The following DDX31 variants were observed in gnomAD, a reference collection of about 807,000 sequenced individuals.
The protein encoded by DDX31 is DEAD-box helicase 31, also known as ATP-dependent DNA helicase DDX31.
Under a neutral mutation model 91.3 loss-of-function variants are expected in DDX31, and 70 were observed. The observed-to-expected ratio is 0.77, with a 90% CI of 0.63 to 0.94. The LOEUF (loss-of-function observed/expected upper bound fraction) is 0.94, where lower values mean the gene tolerates loss of function less well. DDX31 is among the 40% of genes least tolerant of loss of function. DDX31 has a pLI of 0.00. For missense variants in DDX31, 902 were observed against 925.0 expected, an observed-to-expected ratio of 0.98 and a Z score of 0.32; for synonymous variants, 362 against 350.6, an observed-to-expected ratio of 1.03 and a Z score of -0.36.
chr9:132,653,475 C>T (rs1834341924), intron 6 of DDX31, among the ~76,000 whole-genome samples: 2 of 40,058 alleles, frequency 5.0e-5, no homozygotes, highest in Admixed American at 3.7e-4. Flanking sequence ...GCCTGGGCAA[C>T]AAGTGAAAAA....
At chr9:132,602,199 A>C (rs1160134102) in intron 19 of DDX31, among the ~76,000 whole-genome samples, 2 of 152,242 alleles carry the variant, frequency 1.3e-5, no homozygotes, top group Admixed American at 6.5e-5. Context: ...AGCCAGGTCC[A>C]TGAATGGACA....
At chr9:132,624,571 A>G (rs1359325660) in intron 17 of DDX31, among the ~76,000 whole-genome samples, 4 of 152,268 alleles carry the variant, frequency 2.6e-5, no homozygotes, top group African/African-American at 7.2e-5. Flanking sequence ...CAAATCCCAG[A>G]ATGACTAAAG....
intron 17 of DDX31, among the ~76,000 whole-genome samples, chr9:132,620,415 C>T (rs1357408368): frequency 1.3e-5 from 2 of 148,494 alleles, no homozygotes; most frequent in Non-Finnish European, 3.0e-5. Flanking sequence ...TCTTTTCTTC[C>T]CAACCAAAAA....
chr9:132,669,974 T>C lies in DDX31; in HGVS notation c.-40A>G, dbSNP rs1191960183. 53 of 1,575,636 alleles carry C rather than the reference T, an allele frequency of 3.4e-5. No individual in the cohort carries two copies. The highest frequency in any genetic ancestry group is 4.5e-5 in the Non-Finnish European group (52 of 1,161,810). On this transcript the variant is annotated 5_prime_UTR_variant, in exon 1 of 20. Transcript: ENST00000372159. ...ACGCGTGGTGCAGCAGCGAGCCCGGTGCGCAGACTGCTGGGCCCGGGACCC... is the reference window on the plus strand; with the variant it reads ...ACGCGTGGTGCAGCAGCGAGCCCGGCGCGCAGACTGCTGGGCCCGGGACCC...
intron 15 of DDX31, among the ~76,000 whole-genome samples, chr9:132,631,044 G>A (rs1354533725): frequency 6.6e-6 from 1 of 152,244 alleles, no homozygotes; most frequent in Non-Finnish European, 1.5e-5. Flanking sequence ...TGCACGGAGA[G>A]CACTGCCAAC....
intron 19 of DDX31, among the ~76,000 whole-genome samples, chr9:132,596,821 G>A (rs1830458209): frequency 6.6e-6 from 1 of 152,326 alleles, no homozygotes. Flanking sequence ...CAGCAGGACA[G>A]TGGGGCAGGA....
intron 18 of DDX31, 115 bp downstream of exon 18, chr9:132,618,215 G>A (rs565966815): frequency 2.7e-6 from 2 of 747,564 alleles, no homozygotes. Context: ...GCTTTGGCTG[G>A]TGAGCAGGGA....
chr9:132,611,072 C>T (rs1331739433), intron 19 of DDX31, among the ~76,000 whole-genome samples: 1 of 152,162 alleles, frequency 6.6e-6, no homozygotes, highest in South Asian at 2.1e-4. Flanking sequence ...TGGTCCTTCC[C>T]GGTGAACAGG....
chr9:132,664,871 G>A (rs942727899), intron 1 of DDX31, among the ~76,000 whole-genome samples: 2 of 151,972 alleles, frequency 1.3e-5, no homozygotes, highest in African/African-American at 2.4e-5. Context: ...CTTTGCACAT[G>A]CTACTCCCAC....
intron 14 of DDX31, among the ~76,000 whole-genome samples, chr9:132,637,346 T>G (rs1336790675): frequency 2.6e-5 from 4 of 152,178 alleles, no homozygotes; most frequent in Non-Finnish European, 5.9e-5. Context: ...ATTGCTAAAG[T>G]CAGTTCTGAA....
rs199924933 is a variant in DDX31, at chr9:132,662,318, C to T, written c.351G>A (p.Val117=). The T allele has an allele frequency of 1.2e-6, 2 of 1,614,212 alleles. No individual in the cohort carries two copies. The highest frequency in any genetic ancestry group is 2.7e-5 in the African/African-American group (2 of 75,048). Residue 117 remains valine, a synonymous_variant, in exon 3 of 20, where the codon GTG becomes GTA. Coordinates refer to ENST00000372159, the MANE Select transcript of DDX31 (RefSeq NM_022779.9). ...CAGCTGAAGTAAACACTTTTTCTTGCACCTGCTTTACCACAGGTCTGCAAA... is the reference window on the plus strand; with the variant it reads ...CAGCTGAAGTAAACACTTTTTCTTGTACCTGCTTTACCACAGGTCTGCAAA... ...PELHRPVVKQ[V]QEKVFTSAAF...
At chr9:132,628,755 A>T (rs1263643569) in intron 16 of DDX31, among the ~76,000 whole-genome samples, 2 of 152,224 alleles carry the variant, frequency 1.3e-5, no homozygotes, top group Non-Finnish European at 2.9e-5. Flanking sequence ...GAATGGGAAA[A>T]TGGAATTTGT....
chr9:132,648,261 C>T lies in DDX31; in HGVS notation c.895G>A (p.Val299Met). Reference protein sequence around the residue: ...LDLGFEKDITVILNAVNAECQ... With the variant: ...LDLGFEKDITMILNAVNAECQ... ...TCAGCATTTACAGCATTAAGTATCA[C>T]TGTGATGTCCTTTTCAAAACCCAAA... The change falls in exon 11 of 20, where the codon GTG (valine) becomes ATG (methionine). Residue 299 changes from valine (V) to methionine (M), a missense_variant. By Grantham distance (21) the Val-to-Met change is conservative (BLOSUM62 1). Coordinates refer to ENST00000372159, the MANE Select transcript of DDX31 (RefSeq NM_022779.9). The T allele has an allele frequency of 2.5e-6, 4 of 1,612,596 alleles. No homozygotes were observed. Among genetic ancestry groups the T allele is most frequent in the Non-Finnish European group, 3.4e-6 (4 of 1,179,694 alleles).
At chr9:132,606,161 G>C (rs1455629914) in intron 19 of DDX31, among the ~76,000 whole-genome samples, 1 of 152,204 alleles carries the variant, frequency 6.6e-6, no homozygotes, top group Non-Finnish European at 1.5e-5. Flanking sequence ...GTTTCGTCCA[G>C]CCTCTCATCT....
intron 11 of DDX31, among the ~76,000 whole-genome samples, chr9:132,647,594 G>C (rs1833917247): frequency 6.6e-6 from 1 of 152,118 alleles, no homozygotes; most frequent in Non-Finnish European, 1.5e-5. Context: ...TCATAATGTG[G>C]CCTAGTAAAT....
intron 16 of DDX31, among the ~76,000 whole-genome samples, chr9:132,629,776 C>T (rs1832612449): frequency 1.3e-5 from 2 of 152,210 alleles, no homozygotes. Flanking sequence ...CACAAGATGG[C>T]AGCTGAATGT....
Position 132,662,777 on chromosome 9 carries a change from A to G in DDX31, c.76-82T>C, listed in dbSNP as rs1590107451. 4.5e-6 allele frequency: 7 copies of G among 1,565,188 alleles called. No individual in the cohort carries two copies. In the East Asian group the frequency reaches 1.6e-4, roughly 35 times the overall value. On this transcript the variant is annotated intron_variant, in intron 1 of 19. Transcript: ENST00000372159. Reference sequence around the variant, plus strand: ...AGCTCGGAGTGAAGCCTGACTGCCCACAGAATTGCATCTCTCCCTGCAGAG... The same window carrying G: ...AGCTCGGAGTGAAGCCTGACTGCCCGCAGAATTGCATCTCTCCCTGCAGAG...
At chr9:132,626,186 G>A (rs1013463003) in intron 16 of DDX31, among the ~76,000 whole-genome samples, 2 of 151,382 alleles carry the variant, frequency 1.3e-5, no homozygotes, top group Non-Finnish European at 2.9e-5. Flanking sequence ...ATCCTCCACT[G>A]TGGGGTAAAC....
chr9:132,662,014 AACAC>A (rs942049710), intron 3 of DDX31, among the ~76,000 whole-genome samples: 2 of 152,166 alleles, frequency 1.3e-5, no homozygotes, highest in African/African-American at 4.8e-5. Flanking sequence ...TACTTAAAAA[AACAC>A]ACACACAAAA....
Sources: allele counts gnomAD v4.1 joint callset (sites outside exome capture counted in the v4.1 genomes callset), GRCh38; gene constraint gnomAD v4.1.1; transcripts MANE v1.5; gene names NCBI Gene and HGNC (gene_info 2026-07-23, HGNC 2026-07-21).